The following FRYL variants were observed in gnomAD, a reference collection of about 807,000 sequenced individuals.
FRYL encodes the protein FRY like transcription coactivator, also known as protein furry homolog-like.
FRYL carries 150 observed loss-of-function variants against 351.2 expected under a neutral mutation model. The ratio of observed to expected loss-of-function variants is 0.43; its 90% CI spans 0.37 to 0.49. The LOEUF is 0.49. Among genes scored for constraint, FRYL ranks in the 20% least tolerant of loss-of-function variants. The pLI is 0.00. For missense variants in FRYL, 3,036 were observed against 3,619.3 expected, an observed-to-expected ratio of 0.84 and a Z score of 4.13; for synonymous variants, 1,153 against 1,257.1, an observed-to-expected ratio of 0.92 and a Z score of 1.75.
At chr4:48,773,295 T>C (rs7672734) in intron 1 of FRYL, among the ~76,000 whole-genome samples, 1,790 of 152,256 alleles carry the variant, frequency 0.012, 35 homozygotes, top group African/African-American at 0.042. Context: ...AATAAGCACT[T>C]ATTAAGGGTC....
chr4:48,564,227 C>T (rs1736213102), intron 30 of FRYL, 125 bp from the exon 31 acceptor site: 2 of 1,048,134 alleles, frequency 1.9e-6, no homozygotes, highest in Non-Finnish European at 2.6e-6. Flanking sequence ...ATTCCATCTC[C>T]TTTTGTTCAC....
At chr4:48,779,012 T>C (rs1776332584) in intron 1 of FRYL, among the ~76,000 whole-genome samples, 1 of 151,420 alleles carries the variant, frequency 6.6e-6, no homozygotes. Flanking sequence ...CCCACCCCCT[T>C]TTTTTTCTTT....
At chr4:48,582,912 C>T (rs1741229980) in intron 19 of FRYL, among the ~76,000 whole-genome samples, 178 bp from the exon 20 acceptor site, 1 of 152,180 alleles carries the variant, frequency 6.6e-6, no homozygotes, top group Admixed American at 6.5e-5. Context: ...AGTTTATACT[C>T]TCATTTGCTT....
At chr4:48,550,761 TTA>T (rs1732529611) in intron 37 of FRYL, 57 bp from the exon 38 acceptor site, 10 of 1,207,998 alleles carry the variant, frequency 8.3e-6, no homozygotes, top group Admixed American at 1.7e-5. Flanking sequence ...TATTTATACT[TTA>T]TGTTTCACTT....
At chr4:48,696,191 G>A (rs1368084896) in intron 2 of FRYL, among the ~76,000 whole-genome samples, 2 of 151,990 alleles carry the variant, frequency 1.3e-5, no homozygotes, top group Non-Finnish European at 2.9e-5. Context: ...GTACCCTAAG[G>A]AATATAAATC....
chr4:48,627,534 T>A (rs1752069483), intron 4 of FRYL, among the ~76,000 whole-genome samples: 1 of 152,018 alleles, frequency 6.6e-6, no homozygotes, highest in Admixed American at 6.6e-5. Flanking sequence ...CTCACAGAGC[T>A]TTTCCTGAAG....
At chr4:48,606,670 A>T (rs1224132463) in intron 9 of FRYL, 64 bp from the exon 10 acceptor site, 1 of 1,356,934 alleles carries the variant, frequency 7.4e-7, no homozygotes, top group African/African-American at 1.4e-5. Flanking sequence ...CATGATATTT[A>T]AGGGTAAAAA....
In FRYL at chr4:48,586,707, A is replaced by T; in HGVS notation, c.1662T>A (p.Ile554=). ...CAGCAATACAAGTTCTAAACAAATC[A>T]ATCTTGGGTTTTCTTTCCCCCCTGA... ...DMITGERKPK[I]DLFRTCIAAI... is the part of the protein sequence containing the mutation. Residue 554 remains isoleucine, a synonymous_variant, in exon 19 of 64, where the codon ATT becomes ATA. Transcript: ENST00000358350. 1 of 1,609,374 alleles carries T rather than the reference A, an allele frequency of 6.2e-7. No homozygotes were observed. The highest frequency in any genetic ancestry group is 8.5e-7 in the Non-Finnish European group (1 of 1,178,032).
Position 48,567,146 on chromosome 4 carries a change from T to C in FRYL, c.3169+102A>G. 1.1e-6 allele frequency: 1 copy of C among 914,746 alleles called. No homozygotes were observed. The highest frequency in any genetic ancestry group is 1.6e-6 in the Non-Finnish European group (1 of 619,646). The allele number at this position is 914,746 out of a possible 1,614,324, so 56.7% of individuals were successfully genotyped here. A position where few individuals can be genotyped will look rare whatever the true frequency, so the allele number is the denominator to read the frequency against. The stretch of plus-strand genomic sequence containing the variant: ...ATGCTGACATATTTTTCCAGTATGT[T>C]CATACGTTACTTTATCAACTTAGAT... On this transcript the variant is annotated intron_variant, in intron 28 of 63. Coordinates refer to ENST00000358350, the MANE Select transcript of FRYL (RefSeq NM_015030.2). The surrounding 1 kb of genome is among the most constrained non-coding windows in gnomAD (Gnocchi z 4.2).
At chr4:48,682,900 C>T (rs1326601425) in intron 3 of FRYL, among the ~76,000 whole-genome samples, 1 of 152,168 alleles carries the variant, frequency 6.6e-6, no homozygotes, top group East Asian at 1.9e-4. Flanking sequence ...CCATTTGACC[C>T]AGCAATCCCA....
At chr4:48,670,578 C>T (rs1762497153) in intron 3 of FRYL, among the ~76,000 whole-genome samples, 1 of 151,820 alleles carries the variant, frequency 6.6e-6, no homozygotes, top group African/African-American at 2.4e-5. Context: ...TCTCCACTTC[C>T]CCACTCCTAG....
In FRYL at chr4:48,551,486, G is replaced by C. The variant is rs1452338209; in HGVS notation, c.4520+8C>G. On this transcript the variant is annotated splice_region_variant and intron_variant, in intron 37 of 63. Coordinates refer to ENST00000358350, the MANE Select transcript of FRYL (RefSeq NM_015030.2). ...TGAAAGGCTAATACAGAACAGAGAA[G>C]TACTTACCTCTCTTCAATATTCTCT... The C allele has an allele frequency of 6.4e-7, 1 of 1,550,558 alleles. No homozygotes were observed. The highest frequency in any genetic ancestry group is 2.3e-5 in the East Asian group (1 of 44,406).
intron 2 of FRYL, among the ~76,000 whole-genome samples, chr4:48,691,900 C>T (rs1429484851): frequency 6.6e-6 from 1 of 152,086 alleles, no homozygotes; most frequent in Non-Finnish European, 1.5e-5. Flanking sequence ...TTCATTTAAT[C>T]ATTCCACTAA....
chr4:48,645,285 T>C (rs1226805228), intron 3 of FRYL, among the ~76,000 whole-genome samples: 1 of 151,586 alleles, frequency 6.6e-6, no homozygotes, highest in South Asian at 2.1e-4. Context: ...GAGAAGGTGT[T>C]CTTACAAAAG....
At position 48,542,076 on chromosome 4, in the gene FRYL, T is replaced by A; in HGVS notation, c.5638A>T (p.Thr1880Ser). 6.2e-7 allele frequency: 1 copy of A among 1,613,902 alleles called. No individual in the cohort carries two copies. The highest frequency in any genetic ancestry group is 8.5e-7 in the Non-Finnish European group (1 of 1,179,818). The change falls in exon 45 of 64, where the codon ACT becomes TCT. Residue 1880 changes from threonine to serine, a missense_variant. Around this residue, in one of 7 missense-constraint regions of FRYL, gnomAD observed 1,987 missense variants for 2,311.7 expected, o/e 0.86. Coordinates refer to ENST00000358350, the MANE Select transcript of FRYL (RefSeq NM_015030.2). ...TAATGCTTCATGGTTTCAGCCAAAGTATCAATTGCAGATTCCAATGTGAGA... is the reference window on the plus strand; with the variant it reads ...TAATGCTTCATGGTTTCAGCCAAAGAATCAATTGCAGATTCCAATGTGAGA... ...LLLTLESAID[T>S]LAETMKHYDL...
chr4:48,668,320 T>C (rs1762086933), intron 3 of FRYL, among the ~76,000 whole-genome samples: 1 of 149,560 alleles, frequency 6.7e-6, no homozygotes, highest in Admixed American at 6.7e-5. Context: ...ATTTTGAAAC[T>C]AAGGCTGGAG....
At chr4:48,547,422 C>G in intron 41 of FRYL, 162 bp downstream of exon 41, 1 of 431,784 alleles carries the variant, frequency 2.3e-6, no homozygotes, top group Non-Finnish European at 4.1e-6. Flanking sequence ...TTAATCCCTT[C>G]TTTTATTAGC....
Position 48,681,100 on chromosome 4 carries a change from G to A in FRYL, c.-81+3573C>T, listed in dbSNP as rs531984405. 2.6e-5 allele frequency: 32 copies of A among 1,252,506 alleles called. No homozygotes were observed. In the African/African-American group the frequency reaches 4.0e-4, roughly 16 times the overall value. 77.6% of individuals were successfully genotyped at this position (1,252,506 alleles called of 1,614,324 possible). ...AACCACATCTCCCGAAAGAATGGGA[G>A]GAACAACTCTCTTTAAAAAATCCAT... On this transcript the variant is annotated intron_variant, in intron 3 of 63. Coordinates refer to ENST00000358350, the MANE Select transcript of FRYL (RefSeq NM_015030.2).
Position 48,577,101 on chromosome 4 carries a change from T to C in FRYL, c.2529-879A>G, listed in dbSNP as rs369598300. Among the ~76,000 whole-genome samples the C allele has an allele frequency of 1.4e-3, 215 of 152,322 alleles. 1 individual carries two copies. Among genetic ancestry groups the C allele is most frequent in the African/African-American group, 4.6e-3 (191 of 41,574 alleles). On this transcript the variant is annotated intron_variant, in intron 23 of 63. Transcript: ENST00000358350. ...TTTGACATTTTAGCTAATAGCAATT[T>C]TTCCCTATTATACACAATACTATAC...
Sources: allele counts gnomAD v4.1 joint callset (sites outside exome capture counted in the v4.1 genomes callset), GRCh38; gene constraint gnomAD v4.1.1; regional missense constraint gnomAD v4.1.1; non-coding constraint Gnocchi (gnomAD v3.1); transcripts MANE v1.5; gene names NCBI Gene and HGNC (gene_info 2026-07-23, HGNC 2026-07-21).